MYO7B: variants seen among roughly 807,000 people sequenced by gnomAD.
MYO7B encodes myosin VIIB.
A neutral mutation model predicts 259.7 loss-of-function variants in MYO7B; 212 were observed. That is an observed-to-expected ratio of 0.82 (90% CI 0.73 to 0.91). The LOEUF is 0.91. MYO7B is among the 40% of genes least tolerant of loss of function. The pLI is 0.00. For synonymous variants in MYO7B, 1,197 were observed against 1,166.4 expected, an observed-to-expected ratio of 1.03 and a Z score of -0.54; for missense variants, 2,732 against 2,813.5, an observed-to-expected ratio of 0.97 and a Z score of 0.66.
At chr2:127,608,475 C>T (rs1239254639) in intron 21 of MYO7B, among the ~76,000 whole-genome samples, 2 of 152,224 alleles carry the variant, frequency 1.3e-5, no homozygotes, top group South Asian at 2.1e-4. Context: ...CCAGCAACCT[C>T]ACCTCTCCAG....
chr2:127,629,324 G>A lies in MYO7B; in HGVS notation c.4625-321G>A, dbSNP rs576657834. Among the ~76,000 whole-genome samples, 6 of 152,310 alleles carry A rather than the reference G, an allele frequency of 3.9e-5. 1 individual carries two copies. The South Asian group carries it at 8.3e-4, about 21-fold the overall frequency. Reference sequence around the variant, plus strand: ...GAGGCAGGCAGCACTCAGGCCAGGCGTGGGGACTGCCAGCCTGTGCATCCT... The same window carrying A: ...GAGGCAGGCAGCACTCAGGCCAGGCATGGGGACTGCCAGCCTGTGCATCCT... On this transcript the variant is annotated intron_variant, in intron 34 of 47. Coordinates refer to ENST00000409816, the MANE Select transcript of MYO7B (RefSeq NM_001393586.1).
intron 18 of MYO7B, 74 bp from the exon 19 acceptor site, chr2:127,596,388 A>T: frequency 8.1e-7 from 1 of 1,228,786 alleles, no homozygotes; most frequent in Non-Finnish European, 1.2e-6. Flanking sequence ...CCTTCGGGAG[A>T]CAGAGCCCTG....
intron 1 of MYO7B, among the ~76,000 whole-genome samples, chr2:127,553,951 AG>A (rs1693546546): frequency 6.6e-6 from 1 of 152,232 alleles, no homozygotes; most frequent in South Asian, 2.1e-4. Flanking sequence ...GATTTTGCTA[AG>A]GGTTTTAACC....
chr2:127,612,827 C>G (rs1159413608), intron 26 of MYO7B, among the ~76,000 whole-genome samples: 1 of 152,252 alleles, frequency 6.6e-6, no homozygotes, highest in African/African-American at 2.4e-5. Context: ...AAAGAGTCAT[C>G]ATGGACCAGT....
rs779406546 is a variant in MYO7B at position 127,636,594 on chromosome 2, G to C, written c.6173G>C (p.Arg2058Pro). The change falls in exon 46 of 48, where the codon CGA (arginine) becomes CCA (proline). Residue 2058 changes from arginine to proline, a missense_variant. Arg to Pro is a moderately radical substitution (Grantham distance 103). This residue lies in a region of MYO7B where 821 missense variants were observed against 769.3 expected (regional missense o/e 1.07). Transcript: ENST00000409816. The surrounding 1 kb of genome is among the most constrained non-coding windows in gnomAD (Gnocchi z 4.5). ...YPDVILIAIN[R>P]HGVLLIHPKT... ...GACGTCATCCTCATCGCCATCAACCGACATGGGGTTCTGCTCATCCACCCC... is the reference window on the plus strand; with the variant it reads ...GACGTCATCCTCATCGCCATCAACCCACATGGGGTTCTGCTCATCCACCCC... The C allele has an allele frequency of 1.2e-6, 2 of 1,612,672 alleles. No homozygotes were observed. Among genetic ancestry groups the C allele is most frequent in the Non-Finnish European group, 1.7e-6 (2 of 1,179,424 alleles).
chr2:127,635,008 G>A (rs772336988), intron 42 of MYO7B, 112 bp from the exon 43 acceptor site: 58 of 824,862 alleles, frequency 7.0e-5, no homozygotes, highest in Middle Eastern at 2.5e-4. Context: ...AGGAAGAAGC[G>A]TGGGGGCTTT....
rs182085831 is a variant in MYO7B, at chr2:127,631,681, C to T, written c.5177C>T (p.Ala1726Val). 127 of 1,613,060 alleles carry T rather than the reference C, an allele frequency of 7.9e-5. No individual in the cohort carries two copies. The highest frequency in any genetic ancestry group is 3.8e-4 in the Admixed American group (23 of 60,004). ...CTCACCGACCAGATCTTCACACTGG[C>T]CCTGCAGCACCCGGCCCTCCAGGAC... ...LELTDQIFTL[A>V]LQHPALQDEV... is the part of the protein sequence containing the mutation. Residue 1726 changes from alanine (A) to valine (V), a missense_variant, in exon 38 of 48, where the codon GCC becomes GTC. Coordinates refer to ENST00000409816, the MANE Select transcript of MYO7B (RefSeq NM_001393586.1).
At chr2:127,621,571 C>T (rs1256380367) in intron 27 of MYO7B, among the ~76,000 whole-genome samples, 1 of 152,184 alleles carries the variant, frequency 6.6e-6, no homozygotes, top group Non-Finnish European at 1.5e-5. Flanking sequence ...CTGCACTTTT[C>T]ATTTACTGTC....
chr2:127,541,658 G>T (rs1478490570), intron 1 of MYO7B, among the ~76,000 whole-genome samples: 1 of 152,200 alleles, frequency 6.6e-6, no homozygotes, highest in Non-Finnish European at 1.5e-5. Flanking sequence ...GTACATGGTG[G>T]GGAGGGATAA....
At chr2:127,580,632 G>A in intron 9 of MYO7B, 114 bp from the exon 10 acceptor site, 1 of 1,019,814 alleles carries the variant, frequency 9.8e-7, no homozygotes, top group South Asian at 1.4e-5. Flanking sequence ...GCTTACGCCA[G>A]GGCAGCTGTC....
chr2:127,612,337 G>C lies in MYO7B; in HGVS notation c.3270+10G>C. 8.0e-7 allele frequency: 1 copy of C among 1,244,932 alleles called. No homozygotes were observed. The highest frequency in any genetic ancestry group is 2.6e-5 in the East Asian group (1 of 39,034). 77.1% of individuals were successfully genotyped at this position (1,244,932 alleles called of 1,614,324 possible). ...CCGGATCACAGGCCAGGTGAGCCCA[G>C]AGCACAGAATCTCTGCTCCCAGCTG... On this transcript the variant is annotated intron_variant, in intron 25 of 47. Coordinates refer to ENST00000409816, the MANE Select transcript of MYO7B (RefSeq NM_001393586.1).
At position 127,637,335 on chromosome 2, in the gene MYO7B, T is replaced by A. The variant is rs766541068; in HGVS notation, c.6347T>A (p.Leu2116Gln). ...ETSLGYKMDD[L>Q]LTSYVQQLLS... ...GTCCAGGGCTATAAGATGGATGACC[T>A]GCTGACCTCATATGTGCAGCAGCTC... is the stretch of plus-strand genomic sequence containing the variant. Residue 2116 changes from leucine (L) to glutamine (Q), a missense_variant, in exon 48 of 48, where the codon CTG (leucine) becomes CAG (glutamine). By Grantham distance (113) the Leu-to-Gln change is moderately radical (BLOSUM62 -2). Around this residue, in one of 3 missense-constraint regions of MYO7B, gnomAD observed 821 missense variants for 769.3 expected, o/e 1.07. Coordinates refer to ENST00000409816, the MANE Select transcript of MYO7B (RefSeq NM_001393586.1). 6.3e-7 allele frequency: 1 copy of A among 1,590,876 alleles called. No homozygotes were observed. Among genetic ancestry groups the A allele is most frequent in the South Asian group, 1.2e-5 (1 of 86,936 alleles).
rs770475063 is a variant in MYO7B, at chr2:127,629,763, G to T, written c.4743G>T (p.Gly1581=). 3.1e-6 allele frequency: 5 copies of T among 1,610,264 alleles called. No individual in the cohort carries two copies. In the Admixed American group the frequency reaches 8.4e-5, roughly 27 times the overall value. ...AGAACGACAGGACAGGCAAGACGGG[G>T]CTGGTGCCCATGGCCTGCCTCTACA... is the stretch of plus-strand genomic sequence containing the variant. ...LGQNDRTGKT[G]LVPMACLYTI... The change falls in exon 35 of 48, where the codon GGG becomes GGT. Residue 1581 remains glycine (G), a synonymous_variant. Coordinates refer to ENST00000409816, the MANE Select transcript of MYO7B (RefSeq NM_001393586.1).
Position 127,584,741 on chromosome 2 carries a change from T to C in MYO7B, c.1555-37T>C, listed in dbSNP as rs1197512070. On this transcript the variant is annotated intron_variant, in intron 13 of 47. Transcript: ENST00000409816. The surrounding 1 kb of genome is among the most constrained non-coding windows in gnomAD (Gnocchi z 5.8). ...GCCTCACCTCCCCATGGCTGGACTC[T>C]GGGACCTCAGCCCACAGGGTGTCTG... The C allele has an allele frequency of 3.7e-6, 6 of 1,611,324 alleles. No homozygotes were observed. Among genetic ancestry groups the C allele is most frequent in the Non-Finnish European group, 5.1e-6 (6 of 1,178,390 alleles).
Position 127,597,053 on chromosome 2 carries a change from G to A in MYO7B, c.2339+497G>A, listed in dbSNP as rs536711303. Among the ~76,000 whole-genome samples the A allele has an allele frequency of 2.6e-5, 4 of 152,346 alleles. No individual in the cohort carries two copies. The South Asian group carries it at 8.3e-4, about 32-fold the overall frequency. ...GGGCTGGAAACCCAGGCATGAGAAAGTAGAAGACAGCCAGCCCCGGGAATA... is the reference window on the plus strand; with the variant it reads ...GGGCTGGAAACCCAGGCATGAGAAAATAGAAGACAGCCAGCCCCGGGAATA... On this transcript the variant is annotated intron_variant, in intron 19 of 47. Transcript: ENST00000409816. The surrounding 1 kb of genome is among the most constrained non-coding windows in gnomAD (Gnocchi z 4.8).
At position 127,609,948 on chromosome 2, in the gene MYO7B, CG is replaced by C. The variant is rs750866280; in HGVS notation, c.3126del (p.Gln1043ArgfsTer37). 3.7e-6 allele frequency: 6 copies of C among 1,607,546 alleles called. 1 individual carries two copies. In the Admixed American group the frequency reaches 5.1e-5, roughly 14 times the overall value. ...RSSQQGSSVM[R>X]QIHDTLGREH... ...CAGCCAGCAGGGCAGCTCAGTGATG[CG>C]GCAGATCCATGACACGCTGGGCAGG... On this transcript the variant is annotated frameshift_variant, in exon 24 of 48. Coordinates refer to ENST00000409816, the MANE Select transcript of MYO7B (RefSeq NM_001393586.1). LOFTEE classifies it high-confidence loss of function. This position sits in a 1 kb window ranked among gnomAD's most constrained non-coding sequence, Gnocchi z 6.9.
rs959967787 is a variant in MYO7B at position 127,637,647 on chromosome 2, G to A, written c.*230G>A. 6.8e-6 allele frequency: 3 copies of A among 442,152 alleles called. No homozygotes were observed. The highest frequency in any genetic ancestry group is 4.0e-6 in the Non-Finnish European group (1 of 250,512). The allele number at this position is 442,152 out of a possible 1,614,324, so 27.4% of individuals were successfully genotyped here. ...GGGAGTCTCGGACCCCCAGGCTATT[G>A]GTGGATGACTGACTGACAGGACACC... On this transcript the variant is annotated 3_prime_UTR_variant, in exon 48 of 48. Coordinates refer to ENST00000409816, the MANE Select transcript of MYO7B (RefSeq NM_001393586.1).
chr2:127,600,710 C>A (rs1042109692), intron 19 of MYO7B, among the ~76,000 whole-genome samples: 1 of 152,058 alleles, frequency 6.6e-6, no homozygotes, highest in Non-Finnish European at 1.5e-5. Flanking sequence ...GACTCTGTCT[C>A]AAAAAAACAA....
chr2:127,630,712 G>A (rs1219946252), intron 35 of MYO7B, 66 bp from the exon 36 acceptor site: 33 of 1,593,638 alleles, frequency 2.1e-5, no homozygotes, highest in Non-Finnish European at 2.7e-5. Flanking sequence ...CAGGCCGGGA[G>A]GAGCCTGCAG....
Sources: allele counts gnomAD v4.1 joint callset (sites outside exome capture counted in the v4.1 genomes callset), GRCh38; gene constraint gnomAD v4.1.1; regional missense constraint gnomAD v4.1.1; non-coding constraint Gnocchi (gnomAD v3.1); transcripts MANE v1.5; gene names NCBI Gene and HGNC (gene_info 2026-07-23, HGNC 2026-07-21).